Variants in DOK5 observed in about 807,000 individuals in gnomAD.
DOK5 encodes downstream of tyrosine kinase 5.
In DOK5, 27 loss-of-function variants were observed where a neutral mutation model predicts 43.3. That is an observed-to-expected ratio of 0.62 (90% CI 0.46 to 0.86). DOK5 has a LOEUF of 0.86. Ranked by LOEUF, DOK5 falls within the 40% of genes least tolerant of loss-of-function variation. The probability of loss-of-function intolerance (pLI) is 0.00; values close to 1 mark genes in which losing one functional copy is unlikely to be tolerated. For missense variants in DOK5, 373 were observed against 392.9 expected (o/e 0.95, Z 0.43); for synonymous variants, 146 against 140.1 (o/e 1.04, Z -0.30).
At chr20:54,602,685 A>AT (rs983270718) in intron 5 of DOK5, among the ~76,000 whole-genome samples, 12 of 151,796 alleles carry the variant, frequency 7.9e-5, no homozygotes, top group Admixed American at 2.0e-4. Flanking sequence ...TTTTTAATGT[A>AT]TTTTTTTTAG....
Position 54,580,114 on chromosome 20 carries a change from C to CT in DOK5, c.175-8363dup, listed in dbSNP as rs1211295677. On this transcript the variant is annotated intron_variant, in intron 2 of 7. Coordinates refer to ENST00000262593, the MANE Select transcript of DOK5 (RefSeq NM_018431.5). Reference sequence around the variant, plus strand: ...TCCCTTCAAAAGACATGAACTCATCCTTTTTTATGGCTGCATAATATTGCA... The same window carrying CT: ...TCCCTTCAAAAGACATGAACTCATCCTTTTTTTATGGCTGCATAATATTGCA... Among the ~76,000 whole-genome samples the CT allele has an allele frequency of 3.3e-5, 5 of 152,118 alleles. No individual in the cohort carries two copies. In the East Asian group the frequency reaches 9.7e-4, roughly 29 times the overall value.
chr20:54,554,790 A>AT (rs1387621037), intron 1 of DOK5, 143 bp from the exon 2 acceptor site: 1 of 600,020 alleles, frequency 1.7e-6, no homozygotes, highest in Non-Finnish European at 2.9e-6. Flanking sequence ...AACAATTTTG[A>AT]TTTTTAAAAC....
chr20:54,516,732 T>A (rs1324887642), intron 1 of DOK5, among the ~76,000 whole-genome samples: 1 of 152,230 alleles, frequency 6.6e-6, no homozygotes, highest in Non-Finnish European at 1.5e-5. Flanking sequence ...TTGACTCAAC[T>A]ACTAAATAGG....
intron 1 of DOK5, among the ~76,000 whole-genome samples, chr20:54,512,987 C>T (rs550973279): frequency 2.6e-5 from 4 of 152,092 alleles, no homozygotes; most frequent in Non-Finnish European, 5.9e-5. Flanking sequence ...TGGCTTTTTC[C>T]CCCTTATACA....
intron 1 of DOK5, among the ~76,000 whole-genome samples, chr20:54,516,448 G>A (rs1053317628): frequency 6.6e-6 from 1 of 152,184 alleles, no homozygotes; most frequent in African/African-American, 2.4e-5. Context: ...GGCATAGTGA[G>A]AGAAGAAAAT....
At chr20:54,592,179 C>T (rs1985995847) in intron 5 of DOK5, among the ~76,000 whole-genome samples, 1 of 152,138 alleles carries the variant, frequency 6.6e-6, no homozygotes, top group African/African-American at 2.4e-5. Context: ...TATTATTTCA[C>T]ATATGTTTCC....
intron 1 of DOK5, among the ~76,000 whole-genome samples, chr20:54,504,300 C>T (rs1426964557): frequency 6.6e-6 from 1 of 152,158 alleles, no homozygotes; most frequent in Non-Finnish European, 1.5e-5. Context: ...AAAAATAGTT[C>T]TAGTTTAACT....
intron 5 of DOK5, among the ~76,000 whole-genome samples, chr20:54,596,218 T>C (rs538123280): frequency 2.8e-4 from 42 of 152,370 alleles, no homozygotes; most frequent in African/African-American, 9.9e-4. Context: ...TTAGTGAAGA[T>C]AAGTTTTTTC....
At chr20:54,482,426 A>AT (rs1018152704) in intron 1 of DOK5, among the ~76,000 whole-genome samples, 3 of 152,320 alleles carry the variant, frequency 2.0e-5, no homozygotes, top group South Asian at 4.1e-4. Flanking sequence ...GAATCCATGC[A>AT]TTTTTTATGG....
rs1375651396 is a variant in DOK5, at chr20:54,476,021, C to G, written c.66+9C>G. ...GGAGCAGACGCCTCGGGGTGAGTAT[C>G]GATCCTCTCCGTGTTGCTGTTCGCC... is the stretch of plus-strand genomic sequence containing the variant. On this transcript the variant is annotated intron_variant, in intron 1 of 7. Coordinates refer to ENST00000262593, the MANE Select transcript of DOK5 (RefSeq NM_018431.5). 6.2e-7 allele frequency: 1 copy of G among 1,612,948 alleles called. No homozygotes were observed. Among genetic ancestry groups the G allele is most frequent in the Non-Finnish European group, 8.5e-7 (1 of 1,179,828 alleles).
chr20:54,571,147 A>G (rs1329881999), intron 2 of DOK5, among the ~76,000 whole-genome samples: 1 of 152,222 alleles, frequency 6.6e-6, no homozygotes, highest in Non-Finnish European at 1.5e-5. Context: ...TACTTTGTGT[A>G]TTTGATACTC....
At chr20:54,532,586 T>C (rs1010444875) in intron 1 of DOK5, among the ~76,000 whole-genome samples, 2 of 152,160 alleles carry the variant, frequency 1.3e-5, no homozygotes, top group African/African-American at 4.8e-5. Context: ...CTTCACAGCT[T>C]GGCACAAGTC....
rs369831915 is a variant in DOK5 at position 54,531,776 on chromosome 20, T to C, written c.67-23157T>C. Among the ~76,000 whole-genome samples, 13 of 152,320 alleles carry C rather than the reference T, an allele frequency of 8.5e-5. No individual in the cohort carries two copies. The East Asian group carries it at 1.5e-3, about 18-fold the overall frequency. ...ATGTATTCTTTAAGTTGGGGATTCATTTATTTCTTCATTTTACTTGGAAAC... is the reference window on the plus strand; with the variant it reads ...ATGTATTCTTTAAGTTGGGGATTCACTTATTTCTTCATTTTACTTGGAAAC... On this transcript the variant is annotated intron_variant, in intron 1 of 7. Coordinates refer to ENST00000262593, the MANE Select transcript of DOK5 (RefSeq NM_018431.5).
At chr20:54,644,318 T>C (rs949048156) in intron 7 of DOK5, among the ~76,000 whole-genome samples, 8 of 152,122 alleles carry the variant, frequency 5.3e-5, no homozygotes, top group African/African-American at 1.7e-4. Flanking sequence ...ACGCCTGTAA[T>C]ATCAGCACTT....
intron 1 of DOK5, among the ~76,000 whole-genome samples, chr20:54,497,424 A>T (rs139329119): frequency 6.4e-4 from 98 of 152,364 alleles, no homozygotes; most frequent in African/African-American, 2.2e-3. Context: ...TTGTAATTGA[A>T]GTGTAAACTT....
intron 4 of DOK5, among the ~76,000 whole-genome samples, chr20:54,590,231 A>C (rs1260650044): frequency 6.6e-6 from 1 of 152,214 alleles, no homozygotes; most frequent in Non-Finnish European, 1.5e-5. Flanking sequence ...TGGAAATAAT[A>C]GCTCTGGTCT....
At chr20:54,594,420 T>C (rs894859796) in intron 5 of DOK5, among the ~76,000 whole-genome samples, 1 of 151,948 alleles carries the variant, frequency 6.6e-6, no homozygotes, top group African/African-American at 2.4e-5. Context: ...CAAAAGAAAA[T>C]CCCTATAGAA....
At chr20:54,566,027 A>C (rs918596820) in intron 2 of DOK5, among the ~76,000 whole-genome samples, 1 of 151,698 alleles carries the variant, frequency 6.6e-6, no homozygotes, top group Non-Finnish European at 1.5e-5. Context: ...AAAAAAAAAA[A>C]AAAAACCCTG....
rs570205686 is a variant in DOK5, at chr20:54,599,437, A to C, written c.599+7632A>C. 8.5e-5 allele frequency among the ~76,000 whole-genome samples: 13 copies of C among 152,266 alleles called. No individual in the cohort carries two copies. The East Asian group carries it at 2.5e-3, about 29-fold the overall frequency. On this transcript the variant is annotated intron_variant, in intron 5 of 7. Coordinates refer to ENST00000262593, the MANE Select transcript of DOK5 (RefSeq NM_018431.5). ...ATCAGAAGGGAGCATTCTCTTTTCTACTCCACGGAGTAACCTCTTTAATAA... is the reference window on the plus strand; with the variant it reads ...ATCAGAAGGGAGCATTCTCTTTTCTCCTCCACGGAGTAACCTCTTTAATAA...
Sources: gnomAD v4.1 joint callset for allele counts (sites outside exome capture counted in the v4.1 genomes callset) on GRCh38, gnomAD v4.1.1 for gene constraint, MANE v1.5 for transcripts, NCBI Gene and HGNC (gene_info 2026-07-23, HGNC 2026-07-21) for gene names.